Variants in SPACA6 observed in about 807,000 individuals in gnomAD.
SPACA6 encodes sperm acrosome associated 6, also known as sperm acrosome membrane-associated protein 6.
For missense variants in SPACA6, 8 were observed against 2.8 expected, an observed-to-expected ratio of 2.88 and a Z score of -1.34; for synonymous variants, 6 against 1.5, an observed-to-expected ratio of 4.05 and a Z score of -2.21.
chr19:51,709,042 G>A (rs2083529650), downstream of SPACA6, among the ~76,000 whole-genome samples: 1 of 152,022 alleles, frequency 6.6e-6, no homozygotes, highest in African/African-American at 2.4e-5. Context: ...GCTGCTGGCT[G>A]CTATAAAGTC....
At chr19:51,712,557 G>A (rs1431830762), downstream of SPACA6, among the ~76,000 whole-genome samples, 1 of 151,266 alleles carries the variant, frequency 6.6e-6, no homozygotes, top group Non-Finnish European at 1.5e-5. Flanking sequence ...CTGCTGGAGT[G>A]AAGTCTTTGA....
downstream of SPACA6, among the ~76,000 whole-genome samples, chr19:51,708,858 TA>T (rs759534089): frequency 4.1e-3 from 534 of 130,380 alleles, 4 homozygotes; most frequent in African/African-American, 0.011. Context: ...AGACTCTGTC[TA>T]AAAAAAAAAA....
At chr19:51,686,421 G>C (rs1600126679), upstream of SPACA6, 3 of 152,292 alleles carry the variant, frequency 2.0e-5, no homozygotes, top group South Asian at 6.2e-4. Flanking sequence ...CAACACAACA[G>C]GATCAGGGCC....
chr19:51,689,307 G>C (rs2083349432), upstream of SPACA6: 1 of 151,526 alleles, frequency 6.6e-6, no homozygotes, highest in Non-Finnish European at 1.5e-5. Flanking sequence ...GCCGGGGCGG[G>C]GGGCCCCCTG....
At chr19:51,711,747 T>C (rs1461458198) in intron 2 of SPACA6, among the ~76,000 whole-genome samples, 2 of 151,322 alleles carry the variant, frequency 1.3e-5, no homozygotes, top group African/African-American at 2.4e-5. Context: ...ACAACATGGA[T>C]GAACCTTGAT....
chr19:51,696,892 G>C (rs988333221), intron 2 of SPACA6, among the ~76,000 whole-genome samples: 4 of 152,212 alleles, frequency 2.6e-5, no homozygotes, highest in African/African-American at 9.7e-5. Context: ...GGAATAGCCA[G>C]TGCAAGACCC....
intron 2 of SPACA6, among the ~76,000 whole-genome samples, chr19:51,711,426 A>G (rs547772019): frequency 6.6e-5 from 10 of 152,334 alleles, no homozygotes; most frequent in African/African-American, 2.4e-4. Flanking sequence ...TAGAACCCTC[A>G]TACATTGCTG....
intron 1 of SPACA6, chr19:51,694,114 A>C: frequency 8.1e-6 from 2 of 246,294 alleles, no homozygotes; most frequent in Non-Finnish European, 7.5e-6. Context: ...GACTCATAGA[A>C]AGGGGAGGAT....
At chr19:51,684,617 G>C (rs2083320129), upstream of SPACA6, among the ~76,000 whole-genome samples, 1 of 152,128 alleles carries the variant, frequency 6.6e-6, no homozygotes, top group Admixed American at 6.6e-5. Context: ...TTAGTTCAGG[G>C]GTGTCCAATC....
upstream of SPACA6, chr19:51,692,937 G>T (rs571320528): frequency 2.0e-6 from 1 of 504,616 alleles, no homozygotes; most frequent in East Asian, 5.7e-5. The surrounding 1 kb of genome is among the most constrained non-coding windows in gnomAD (Gnocchi z 5.6). Context: ...CCACTGGGCT[G>T]CCCCAGGGAC....
chr19:51,694,075 T>TTA, intron 1 of SPACA6: 1 of 207,428 alleles, frequency 4.8e-6, no homozygotes, highest in Non-Finnish European at 7.9e-6. Flanking sequence ...GGATGGACAC[T>TTA]CGGGAGGATG....
chr19:51,690,447 TCCTCCTCCGGAACCCAGGAGTCCCCA>T (rs1286437974), upstream of SPACA6, among the ~76,000 whole-genome samples: 4 of 152,014 alleles, frequency 2.6e-5, no homozygotes, highest in Non-Finnish European at 4.4e-5. Flanking sequence ...CCCAGGCCCC[TCCTCCTCCGGAACCCAGGAGTCCCCA>T]CCTCCTCTTT....
rs2083486767 is a variant in SPACA6 at position 51,703,512 on chromosome 19, A to T, written c.573+175A>T. Among the ~76,000 whole-genome samples the T allele has an allele frequency of 6.6e-6, 1 of 152,124 alleles. No individual in the cohort carries two copies. Among genetic ancestry groups the T allele is most frequent in the Non-Finnish European group, 1.5e-5 (1 of 68,012 alleles). On this transcript the variant is annotated intron_variant, in intron 6 of 8. Transcript: ENST00000637797. This position sits in a 1 kb window ranked among gnomAD's most constrained non-coding sequence, Gnocchi z 4.2. ...AGCTCGAAGATCAGAATGCAGGACC[A>T]AGGACCTGGGGCGATGGCTCACGCC... is the stretch of plus-strand genomic sequence containing the variant.
chr19:51,711,945 A>T (rs1162219514), intron 2 of SPACA6: 1 of 152,168 alleles, frequency 6.6e-6, no homozygotes, highest in African/African-American at 2.4e-5. Context: ...GGGGTGATGA[A>T]AATGTTCTAA....
At chr19:51,710,131 C>CT (rs1426114525), downstream of SPACA6, among the ~76,000 whole-genome samples, 2 of 152,184 alleles carry the variant, frequency 1.3e-5, no homozygotes, top group Non-Finnish European at 2.9e-5. Context: ...GCTGTAATAA[C>CT]TTTAACATTA....
At chr19:51,710,185 G>T (rs535495301), downstream of SPACA6, among the ~76,000 whole-genome samples, 1 of 152,226 alleles carries the variant, frequency 6.6e-6, no homozygotes, top group Non-Finnish European at 1.5e-5. Context: ...AGGCCTATGT[G>T]AGTATTCTTA....
At chr19:51,694,707 T>G (rs1199482868) in intron 2 of SPACA6, among the ~76,000 whole-genome samples, 152 bp downstream of exon 2, 1 of 151,470 alleles carries the variant, frequency 6.6e-6, no homozygotes, top group Admixed American at 6.6e-5. Context: ...CTCAGCTACT[T>G]GTCCAAACGA....
downstream of SPACA6, among the ~76,000 whole-genome samples, chr19:51,705,640 C>G (rs141852296): frequency 5.6e-3 from 849 of 152,220 alleles, 6 homozygotes; most frequent in African/African-American, 0.019. Flanking sequence ...CCCCCACCAC[C>G]TCCTTGGCCT....
chr19:51,712,833 A>T (rs2083549102), downstream of SPACA6, among the ~76,000 whole-genome samples: 1 of 152,212 alleles, frequency 6.6e-6, no homozygotes, highest in African/African-American at 2.4e-5. Context: ...CCTTCTAAGT[A>T]GACGGACCAG....
Sources: gnomAD v4.1 joint callset for allele counts (sites outside exome capture counted in the v4.1 genomes callset) on GRCh38, gnomAD v4.1.1 for gene constraint, Gnocchi (gnomAD v3.1) non-coding constraint, MANE v1.5 for transcripts, NCBI Gene and HGNC (gene_info 2026-07-23, HGNC 2026-07-21) for gene names.